The following LMO7 variants were observed in gnomAD, a reference collection of about 807,000 sequenced individuals.
The protein encoded by LMO7 is LIM domain 7, also known as LIM domain only protein 7.
In LMO7, 120 loss-of-function variants were observed where a neutral mutation model predicts 206.5. The observed-to-expected ratio is 0.58, with a 90% CI of 0.50 to 0.68. The LOEUF is 0.68. LMO7 is among the 30% of genes least tolerant of loss of function. LMO7 has a pLI of 0.00. For synonymous variants in LMO7, 706 were observed against 681.5 expected, an observed-to-expected ratio of 1.04 and a Z score of -0.56; for missense variants, 1,959 against 1,957.9, an observed-to-expected ratio of 1.00 and a Z score of -0.01.
intron 7 of LMO7, among the ~76,000 whole-genome samples, chr13:75,801,963 TC>T (rs1265194823): frequency 1.6e-5 from 1 of 63,454 alleles, no homozygotes; most frequent in Non-Finnish European, 3.2e-5. Flanking sequence ...CTCTCTCCTC[TC>T]TCTCTCTTTC....
At chr13:75,663,681 C>T (rs937679433) in intron 1 of LMO7, among the ~76,000 whole-genome samples, 28 of 152,124 alleles carry the variant, frequency 1.8e-4, no homozygotes, top group African/African-American at 5.3e-4. Flanking sequence ...CCACCCGCCT[C>T]GGCCTCCCAA....
chr13:75,777,402 C>A (rs1172334729), intron 4 of LMO7, among the ~76,000 whole-genome samples: 1 of 152,130 alleles, frequency 6.6e-6, no homozygotes, highest in Admixed American at 6.5e-5. Flanking sequence ...TTAAATTTTT[C>A]TTCCCAGCCA....
chr13:75,819,656 T>C, intron 13 of LMO7, 121 bp downstream of exon 13: 1 of 1,010,560 alleles, frequency 9.9e-7, no homozygotes, highest in Non-Finnish European at 1.3e-6. Context: ...TAGTCAAATA[T>C]GCAAAGAAAC....
chr13:75,650,512 G>A (rs945515518), intron 1 of LMO7, among the ~76,000 whole-genome samples: 1 of 151,532 alleles, frequency 6.6e-6, no homozygotes. Context: ...ATTCTTTCTT[G>A]TCAGTGGATT....
At chr13:75,684,807 G>A (rs767179379) in intron 1 of LMO7, among the ~76,000 whole-genome samples, 6 of 148,154 alleles carry the variant, frequency 4.0e-5, no homozygotes, top group East Asian at 2.1e-4. Context: ...GTGTGTGTGT[G>A]TATATGTATA....
intron 1 of LMO7, among the ~76,000 whole-genome samples, chr13:75,648,536 G>A (rs2037261789): frequency 6.6e-6 from 1 of 152,062 alleles, no homozygotes; most frequent in African/African-American, 2.4e-5. Flanking sequence ...ATCCTGTTGT[G>A]CTATTGGCTG....
chr13:75,638,940 A>G (rs1325495166), intron 1 of LMO7, among the ~76,000 whole-genome samples: 3 of 152,218 alleles, frequency 2.0e-5, no homozygotes, highest in South Asian at 4.1e-4. Context: ...CTATTCCTTT[A>G]CACATTACTG....
chr13:75,669,257 AAG>A (rs1426855544), intron 1 of LMO7, among the ~76,000 whole-genome samples: 2 of 152,194 alleles, frequency 1.3e-5, no homozygotes. Flanking sequence ...GTGTGTGTGT[AAG>A]AGAGATTTCT....
intron 17 of LMO7, among the ~76,000 whole-genome samples, 187 bp downstream of exon 17, chr13:75,834,574 T>C (rs927672690): frequency 6.6e-6 from 1 of 152,224 alleles, no homozygotes; most frequent in Non-Finnish European, 1.5e-5. Context: ...GATTTTTCAC[T>C]AGCAAATTTA....
At chr13:75,712,698 G>A (rs1033524910) in intron 1 of LMO7, among the ~76,000 whole-genome samples, 9 of 152,152 alleles carry the variant, frequency 5.9e-5, no homozygotes, top group Non-Finnish European at 1.3e-4. Flanking sequence ...TCATAAATAA[G>A]TTTAAGAAGT....
intron 4 of LMO7, among the ~76,000 whole-genome samples, chr13:75,780,720 C>T (rs556772337): frequency 6.6e-6 from 1 of 152,268 alleles, no homozygotes; most frequent in South Asian, 2.1e-4. Flanking sequence ...GAAATCTTCA[C>T]AATTTATGTT....
upstream of LMO7, among the ~76,000 whole-genome samples, chr13:75,633,294 C>T (rs184997239): frequency 4.3e-4 from 65 of 152,308 alleles, no homozygotes; most frequent in Admixed American, 2.4e-3. Context: ...AGTCAGTGGC[C>T]TCCCTTTCAG....
intron 15 of LMO7, among the ~76,000 whole-genome samples, chr13:75,824,345 C>A (rs2057902630): frequency 6.6e-6 from 1 of 152,124 alleles, no homozygotes; most frequent in South Asian, 2.1e-4. Context: ...ATAATTTTAA[C>A]CTTCTAGTGA....
intron 3 of LMO7, among the ~76,000 whole-genome samples, chr13:75,750,946 T>C (rs1444305815): frequency 6.6e-6 from 1 of 152,150 alleles, no homozygotes; most frequent in Non-Finnish European, 1.5e-5. Context: ...GATATGGACT[T>C]AGCTGAATTT....
chr13:75,697,428 G>A (rs879920495), intron 1 of LMO7, among the ~76,000 whole-genome samples: 1 of 152,110 alleles, frequency 6.6e-6, no homozygotes, highest in Non-Finnish European at 1.5e-5. Flanking sequence ...GAGAATGAGA[G>A]CCAAACAAAA....
chr13:75,781,096 C>CTTTTTTTTTTTTTTTTTCTTTTTTTTTTT (rs2051285777), intron 4 of LMO7, among the ~76,000 whole-genome samples: 1 of 41,924 alleles, frequency 2.4e-5, no homozygotes, highest in Non-Finnish European at 4.1e-5. Flanking sequence ...CTCTATTTTC[C>CTTTTTTTTTTTTTTTTTCTTTTTTTTTTT]TTTTTTTTTT....
chr13:75,799,601 A>C (rs976205663), intron 6 of LMO7, among the ~76,000 whole-genome samples: 2 of 152,204 alleles, frequency 1.3e-5, no homozygotes, highest in African/African-American at 4.8e-5. Flanking sequence ...TACTTTTCAC[A>C]GCACTTTTTA....
intron 4 of LMO7, among the ~76,000 whole-genome samples, chr13:75,792,039 G>A (rs996528853): frequency 6.6e-6 from 1 of 151,914 alleles, no homozygotes; most frequent in Non-Finnish European, 1.5e-5. Context: ...GTGGTCATAG[G>A]TCACTGCAGC....
At chr13:75,703,974 C>T (rs916444214) in intron 1 of LMO7, among the ~76,000 whole-genome samples, 2 of 152,058 alleles carry the variant, frequency 1.3e-5, no homozygotes, top group Non-Finnish European at 2.9e-5. Flanking sequence ...AAAGATGTTG[C>T]ATCATAAATA....
Sources: allele counts gnomAD v4.1 joint callset (sites outside exome capture counted in the v4.1 genomes callset), GRCh38; gene constraint gnomAD v4.1.1; transcripts MANE v1.5; gene names NCBI Gene and HGNC (gene_info 2026-07-23, HGNC 2026-07-21).